Variants in TENM3 observed in about 807,000 individuals in gnomAD.
The protein encoded by TENM3 is teneurin-3.
A neutral mutation model predicts 255.1 loss-of-function variants in TENM3; 63 were observed. The ratio of observed to expected loss-of-function variants is 0.25; its 90% confidence interval spans 0.20 to 0.30. The LOEUF (loss-of-function observed/expected upper bound fraction) is 0.30. Among genes scored for constraint, TENM3 ranks in the 10% least tolerant of loss-of-function variants. TENM3 has a pLI of 1.00. For missense variants in TENM3, 2,929 were observed against 3,461.1 expected (o/e 0.85, Z 3.86); for synonymous variants, 1,306 against 1,322.3 (o/e 0.99, Z 0.27).
intron 12 of TENM3, among the ~76,000 whole-genome samples, chr4:182,706,413 G>T (rs1758284025): frequency 6.6e-6 from 1 of 152,138 alleles, no homozygotes; most frequent in South Asian, 2.1e-4. Flanking sequence ...CATAATAAAT[G>T]GTAGTTATTG....
At chr4:182,623,811 G>A (rs540604906) in intron 4 of TENM3, among the ~76,000 whole-genome samples, 3 of 152,166 alleles carry the variant, frequency 2.0e-5, no homozygotes, top group South Asian at 4.2e-4. Flanking sequence ...CTGATATTGC[G>A]GGGGTCGCCT....
At chr4:181,888,618 G>GTGTGTGGAGA in the TENM3 span, among the ~76,000 whole-genome samples, 12 of 111,796 alleles carry the variant, frequency 1.1e-4, 1 homozygote, top group East Asian at 1.8e-3. Context: ...GTGTGTGTGT[G>GTGTGTGGAGA]GAAAGAGAGA....
chr4:181,946,598 A>G, the TENM3 span, among the ~76,000 whole-genome samples: 1 of 152,218 alleles, frequency 6.6e-6, no homozygotes, highest in Admixed American at 6.5e-5. Context: ...GGCAAGGCCA[A>G]AGACCATGGC....
intron 9 of TENM3, 52 bp downstream of exon 9, chr4:182,680,401 A>G (rs1341153584): frequency 4.0e-6 from 5 of 1,254,396 alleles, no homozygotes; most frequent in Non-Finnish European, 5.7e-6. Flanking sequence ...CTGTAGAAAC[A>G]CAAGTGATTC....
the TENM3 span, among the ~76,000 whole-genome samples, chr4:181,503,270 G>A: frequency 0.069 from 10,445 of 152,232 alleles, 495 homozygotes; most frequent in Non-Finnish European, 0.11. Flanking sequence ...GGAGGCTGAG[G>A]TGGAAGGATT....
At chr4:182,702,080 A>G (rs1001010412) in intron 12 of TENM3, among the ~76,000 whole-genome samples, 2 of 152,236 alleles carry the variant, frequency 1.3e-5, no homozygotes, top group Admixed American at 6.5e-5. Flanking sequence ...TTTTTAGAAA[A>G]GATTAATTTA....
In TENM3 at chr4:182,450,559, T is replaced by G. The variant is rs368538965; in HGVS notation, c.511+103630T>G. ...GATTTACACAATGTGATGATGAATT[T>G]GAGATCCGCTATAAAGTATGTTTAA... On this transcript the variant is annotated intron_variant, in intron 3 of 27. Transcript: ENST00000511685. 3.3e-5 allele frequency among the ~76,000 whole-genome samples: 5 copies of G among 152,328 alleles called. No homozygotes were observed. In the East Asian group the frequency reaches 9.6e-4, roughly 29 times the overall value.
chr4:181,582,669 C>CAAAAAAAA, the TENM3 span, among the ~76,000 whole-genome samples: 1 of 124,718 alleles, frequency 8.0e-6, no homozygotes, highest in African/African-American at 3.1e-5. Context: ...CAAAACAAAT[C>CAAAAAAAA]AAAAAAAAAA....
intron 3 of TENM3, among the ~76,000 whole-genome samples, chr4:182,369,757 T>A (rs1446121331): frequency 6.6e-6 from 1 of 152,116 alleles, no homozygotes; most frequent in Non-Finnish European, 1.5e-5. Flanking sequence ...GGCAGGTGCC[T>A]GTAGTTTCAG....
intron 1 of TENM3, among the ~76,000 whole-genome samples, chr4:182,190,722 T>C (rs183975123): frequency 1.3e-5 from 2 of 152,272 alleles, no homozygotes. Context: ...TGAAAACAAT[T>C]AAGGGCAATT....
chr4:181,495,468 A>T, the TENM3 span, among the ~76,000 whole-genome samples: 2 of 152,140 alleles, frequency 1.3e-5, no homozygotes, highest in Non-Finnish European at 2.9e-5. Flanking sequence ...TCCATTATGA[A>T]AAAGGATGAC....
At chr4:181,459,596 T>C in the TENM3 span, among the ~76,000 whole-genome samples, 17 of 151,932 alleles carry the variant, frequency 1.1e-4, no homozygotes, top group African/African-American at 3.9e-4. Flanking sequence ...TTAAAAAGTA[T>C]ACACTTTCCT....
At chr4:182,050,010 T>TG in the TENM3 span, among the ~76,000 whole-genome samples, 1 of 151,786 alleles carries the variant, frequency 6.6e-6, no homozygotes, top group Admixed American at 6.6e-5. Flanking sequence ...AATTTTTTTT[T>TG]GAGGCGGAGT....
chr4:181,925,795 T>TAGAC, the TENM3 span, among the ~76,000 whole-genome samples: 8 of 152,200 alleles, frequency 5.3e-5, no homozygotes, highest in Non-Finnish European at 1.2e-4. Flanking sequence ...GGGACTGGTG[T>TAGAC]AGACATCAAT....
chr4:182,491,528 T>G (rs1735299432), intron 3 of TENM3, among the ~76,000 whole-genome samples: 2 of 152,200 alleles, frequency 1.3e-5, no homozygotes, highest in East Asian at 1.9e-4. Flanking sequence ...ATTTATATTT[T>G]TGTCAGTATA....
chr4:181,888,463 T>C, the TENM3 span, among the ~76,000 whole-genome samples: 1 of 134,582 alleles, frequency 7.4e-6, no homozygotes, highest in Non-Finnish European at 1.6e-5. Flanking sequence ...TTAGTCAGCG[T>C]TCTCCAGAGA....
At chr4:181,632,555 A>T in the TENM3 span, among the ~76,000 whole-genome samples, 6 of 152,188 alleles carry the variant, frequency 3.9e-5, no homozygotes. Context: ...AAATGAGAGG[A>T]GATCTATATC....
chr4:182,321,262 C>A (rs1763032368), intron 1 of TENM3, among the ~76,000 whole-genome samples: 1 of 152,154 alleles, frequency 6.6e-6, no homozygotes, highest in South Asian at 2.1e-4. Context: ...GAACATTTAT[C>A]CACTCTTTGT....
the TENM3 span, among the ~76,000 whole-genome samples, chr4:181,614,381 G>T: frequency 1.3e-5 from 2 of 152,092 alleles, no homozygotes; most frequent in Non-Finnish European, 2.9e-5. Flanking sequence ...GATTTTGGGG[G>T]ACAGTAATTT....
Sources: gnomAD v4.1 joint callset for allele counts (sites outside exome capture counted in the v4.1 genomes callset) on GRCh38, gnomAD v4.1.1 for gene constraint, MANE v1.5 for transcripts, NCBI Gene and HGNC (gene_info 2026-07-23, HGNC 2026-07-21) for gene names.